ENTPD1: variants seen among roughly 807,000 people sequenced by gnomAD.
ENTPD1 encodes the protein ectonucleoside triphosphate diphosphohydrolase 1.
ENTPD1 carries 33 observed loss-of-function variants against 57.0 expected under a neutral mutation model. That is an observed-to-expected ratio of 0.58 (90% CI 0.44 to 0.77). The LOEUF is 0.77. Among genes scored for constraint, ENTPD1 ranks in the 30% least tolerant of loss-of-function variants. The pLI is 0.00. For synonymous variants in ENTPD1, 202 were observed against 218.8 expected, an observed-to-expected ratio of 0.92 and a Z score of 0.68; for missense variants, 501 against 603.4, an observed-to-expected ratio of 0.83 and a Z score of 1.78.
rs2098116420 is a variant in ENTPD1, at chr10:95,771,697, T to C, written c.16+15442T>C. ...CCCCAGTGTATCTCTGGGCATGAAC[T>C]CTGAACAATTAGAGATGTCCTTTTT... On this transcript the variant is annotated intron_variant, in intron 1 of 9. Transcript: ENST00000371205. Among the ~76,000 whole-genome samples, 2 of 152,180 alleles carry C rather than the reference T, an allele frequency of 1.3e-5. 1 individual carries two copies. The highest frequency in any genetic ancestry group is 4.1e-4 in the South Asian group (2 of 4,836).
At chr10:95,743,142 C>T (rs2098002221) in intron 1 of ENTPD1, among the ~76,000 whole-genome samples, 1 of 152,140 alleles carries the variant, frequency 6.6e-6, no homozygotes, top group African/African-American at 2.4e-5. Context: ...ATTTCTCAGA[C>T]TTTTTATTTT....
intron 1 of ENTPD1, among the ~76,000 whole-genome samples, chr10:95,744,425 C>G (rs2098003834): frequency 6.6e-6 from 1 of 151,974 alleles, no homozygotes; most frequent in African/African-American, 2.4e-5. Context: ...TGCTTGAGGC[C>G]AGGAGTTCAA....
At chr10:95,756,321 C>T (rs565883337) in intron 1 of ENTPD1, 66 bp downstream of exon 1, 108 of 1,513,412 alleles carry the variant, frequency 7.1e-5, no homozygotes, top group Admixed American at 1.3e-4. Flanking sequence ...AATAAAAGCC[C>T]AGACCAAAAA....
rs1241284337 is a variant in ENTPD1, at chr10:95,866,235, T to G, written c.1385T>G (p.Ile462Ser). Residue 462 changes from isoleucine to serine, a missense_variant, in exon 10 of 10, where the codon ATC becomes AGC. Ile to Ser is a moderately radical substitution (Grantham distance 142). Transcript: ENST00000371205. ...TACATGCTGAACCTGACCAACATGA[T>G]CCCAGCTGAGCAACCATTGTCCACA... ...LGYMLNLTNM[I>S]PAEQPLSTPL... 6.2e-7 allele frequency: 1 copy of G among 1,614,136 alleles called. No homozygotes were observed. Among genetic ancestry groups the G allele is most frequent in the Admixed American group, 1.7e-5 (1 of 60,002 alleles).
intron 1 of ENTPD1, among the ~76,000 whole-genome samples, chr10:95,795,177 T>G (rs1361325940): frequency 6.6e-6 from 1 of 152,054 alleles, no homozygotes; most frequent in African/African-American, 2.4e-5. Context: ...ATTAGAGTGA[T>G]GGAGAGGGTT....
intron 1 of ENTPD1, among the ~76,000 whole-genome samples, chr10:95,750,493 T>C (rs1234980136): frequency 1.3e-5 from 2 of 152,170 alleles, no homozygotes; most frequent in South Asian, 2.1e-4. Flanking sequence ...TCTGCCATGA[T>C]TGTAAGTTTC....
At chr10:95,751,157 G>A (rs1184460034), upstream of ENTPD1, among the ~76,000 whole-genome samples, 1 of 152,160 alleles carries the variant, frequency 6.6e-6, no homozygotes, top group Non-Finnish European at 1.5e-5. Flanking sequence ...CATATTCGAT[G>A]ACAGGAATTT....
At chr10:95,743,997 CATATATATATAT>C (rs57187898) in intron 1 of ENTPD1, among the ~76,000 whole-genome samples, 6,306 of 81,004 alleles carry the variant, frequency 0.078, 553 homozygotes, top group African/African-American at 0.2. Flanking sequence ...TATTTTAAAC[CATATATATATAT>C]ATATATATAT....
chr10:95,870,642 A>C lies in ENTPD1; in HGVS notation c.*4259A>C, dbSNP rs887417811. ...CACATAATGATAAAATTACTATGAAAATATATTCCCTTTATTGTCAGTTTA... is the reference window on the plus strand; with the variant it reads ...CACATAATGATAAAATTACTATGAACATATATTCCCTTTATTGTCAGTTTA... On this transcript the variant is annotated 3_prime_UTR_variant, in exon 10 of 10. Coordinates refer to ENST00000371205, the MANE Select transcript of ENTPD1 (RefSeq NM_001776.6). The C allele has an allele frequency of 1.0e-6, 1 of 985,292 alleles. No homozygotes were observed. Among genetic ancestry groups the C allele is most frequent in the Non-Finnish European group, 1.2e-6 (1 of 829,934 alleles). The allele number at this position is 985,292 out of a possible 1,614,324, so 61.0% of individuals were successfully genotyped here.
intron 1 of ENTPD1, among the ~76,000 whole-genome samples, chr10:95,787,479 A>G (rs1229067253): frequency 6.6e-6 from 1 of 152,222 alleles, no homozygotes; most frequent in Admixed American, 6.5e-5. Context: ...GTATGAAAAT[A>G]TAGAAGTATG....
intron 1 of ENTPD1, among the ~76,000 whole-genome samples, chr10:95,758,001 T>C (rs1280537680): frequency 4.9e-5 from 1 of 20,530 alleles, no homozygotes; most frequent in Non-Finnish European, 7.5e-5. Context: ...AGACACTGTC[T>C]CAAAAAAAAA....
intron 2 of ENTPD1, chr10:95,839,277 T>C (rs2098417684): frequency 3.8e-6 from 1 of 262,810 alleles, no homozygotes; most frequent in African/African-American, 2.2e-5. Flanking sequence ...TCAGTAGCCA[T>C]TGAAGCTTTC....
At chr10:95,734,032 C>G (rs2097991925) in intron 1 of ENTPD1, among the ~76,000 whole-genome samples, 1 of 152,136 alleles carries the variant, frequency 6.6e-6, no homozygotes, top group Non-Finnish European at 1.5e-5. Flanking sequence ...TCAGAAAGGA[C>G]AGCTGCATGG....
chr10:95,751,343 CAAT>C (rs2139901714), upstream of ENTPD1, among the ~76,000 whole-genome samples: 1 of 152,162 alleles, frequency 6.6e-6, no homozygotes, highest in Non-Finnish European at 1.5e-5. Flanking sequence ...ATTTGGTAAA[CAAT>C]AAGATGTGGG....
intron 2 of ENTPD1, among the ~76,000 whole-genome samples, chr10:95,837,964 ACACACACACACACACACACCACACACC>A (rs2098414152): frequency 6.6e-6 from 1 of 151,470 alleles, no homozygotes; most frequent in African/African-American, 2.4e-5. Flanking sequence ...ATTCACACAC[ACACACACACACACACACACCACACACC>A]CACACACACC....
At chr10:95,694,234 C>G in the ENTPD1 span, 4 of 344,280 alleles carry the variant, frequency 1.2e-5, no homozygotes, top group Non-Finnish European at 2.2e-5. Context: ...CTTCGCGGCC[C>G]AGAGGACTGA....
At chr10:95,805,109 A>G (rs976089509) in intron 1 of ENTPD1, among the ~76,000 whole-genome samples, 2 of 152,092 alleles carry the variant, frequency 1.3e-5, no homozygotes, top group Non-Finnish European at 2.9e-5. Flanking sequence ...TCCCATTATC[A>G]TTGTGTGGGA....
At chr10:95,767,173 G>A (rs968454258) in intron 1 of ENTPD1, among the ~76,000 whole-genome samples, 6 of 151,482 alleles carry the variant, frequency 4.0e-5, no homozygotes, top group Admixed American at 6.6e-5. Flanking sequence ...AAAATTAGCC[G>A]GGCGTGGTGG....
chr10:95,829,709 T>C (rs1383570771), intron 2 of ENTPD1, among the ~76,000 whole-genome samples: 1 of 152,198 alleles, frequency 6.6e-6, no homozygotes, highest in Non-Finnish European at 1.5e-5. Flanking sequence ...ACATGGAGGC[T>C]TCACAGAGAA....
Sources: gnomAD v4.1 joint callset for allele counts (sites outside exome capture counted in the v4.1 genomes callset) on GRCh38, gnomAD v4.1.1 for gene constraint, MANE v1.5 for transcripts, NCBI Gene and HGNC (gene_info 2026-07-23, HGNC 2026-07-21) for gene names.